HMCES: variants seen among roughly 807,000 people sequenced by gnomAD.
HMCES encodes the protein abasic site processing protein HMCES.
A neutral mutation model predicts 35.1 loss-of-function variants in HMCES; 27 were observed. The observed-to-expected ratio is 0.77, with a 90% CI of 0.57 to 1.06. The LOEUF is 1.06. Among genes scored for constraint, HMCES ranks in the 50% least tolerant of loss-of-function variants. The pLI, the probability that HMCES is intolerant of heterozygous loss-of-function variation, is 0.00. For missense variants in HMCES, 391 were observed against 430.4 expected, an observed-to-expected ratio of 0.91 and a Z score of 0.81; for synonymous variants, 130 against 154.7, an observed-to-expected ratio of 0.84 and a Z score of 1.18.
At chr3:129,282,930 A>G (rs1940538043) in intron 2 of HMCES, among the ~76,000 whole-genome samples, 1 of 152,200 alleles carries the variant, frequency 6.6e-6, no homozygotes, top group South Asian at 2.1e-4. Flanking sequence ...GATTTGGTTT[A>G]CAGTTGTCAA....
chr3:129,303,699 AT>A (rs1411359351), intron 6 of HMCES, among the ~76,000 whole-genome samples: 1 of 150,484 alleles, frequency 6.6e-6, no homozygotes, highest in African/African-American at 2.4e-5. Context: ...ACCTGTATTC[AT>A]TTTGGACTAG....
intron 2 of HMCES, among the ~76,000 whole-genome samples, chr3:129,283,501 G>A (rs945124404): frequency 1.3e-5 from 2 of 151,696 alleles, no homozygotes; most frequent in Non-Finnish European, 2.9e-5. Context: ...TTTTGAGGGG[G>A]AAGTTCTCAC....
At chr3:129,297,523 G>T (rs2071108594) in intron 4 of HMCES, among the ~76,000 whole-genome samples, 1 of 152,062 alleles carries the variant, frequency 6.6e-6, no homozygotes, top group Non-Finnish European at 1.5e-5. Context: ...CCAGGCTCCT[G>T]CCCTGTGCCG....
At chr3:129,280,626 G>C (rs1315706334) in intron 2 of HMCES, among the ~76,000 whole-genome samples, 1 of 152,196 alleles carries the variant, frequency 6.6e-6, no homozygotes, top group African/African-American at 2.4e-5. Context: ...GATGTTTCTT[G>C]AGCATTGAAA....
intron 6 of HMCES, 57 bp downstream of exon 6, chr3:129,302,199 C>T (rs2071178284): frequency 2.1e-6 from 3 of 1,441,046 alleles, no homozygotes; most frequent in East Asian, 4.6e-5. Context: ...TGTCAGTGTT[C>T]TCTTTCTTTC....
chr3:129,281,413 G>C (rs1940477843), intron 2 of HMCES, among the ~76,000 whole-genome samples: 2 of 152,094 alleles, frequency 1.3e-5, no homozygotes, highest in South Asian at 4.1e-4. Flanking sequence ...ATAACAGGCT[G>C]GGCATGGTGG....
rs2071165603 is a variant in HMCES, at chr3:129,301,229, T to C, written c.636-721T>C. ...AAAGAAGAAAAAAAAAAAAATATGC[T>C]TTCATGTGATGTAGTTCTCTTTTAG... On this transcript the variant is annotated intron_variant, in intron 5 of 6. Transcript: ENST00000383463. Among the ~76,000 whole-genome samples, 21 of 146,646 alleles carry C rather than the reference T, an allele frequency of 1.4e-4. No homozygotes were observed. In the South Asian group the frequency reaches 4.3e-3, roughly 30 times the overall value.
At chr3:129,285,513 A>G (rs997822016) in intron 2 of HMCES, among the ~76,000 whole-genome samples, 19 of 151,760 alleles carry the variant, frequency 1.3e-4, no homozygotes, top group African/African-American at 4.6e-4. Context: ...GTGCAGTGGC[A>G]CAAACTCGGC....
intron 6 of HMCES, 111 bp downstream of exon 6, chr3:129,302,253 A>G (rs2071178709): frequency 2.2e-6 from 2 of 927,676 alleles, no homozygotes; most frequent in African/African-American, 1.7e-5. Context: ...TGGACCATCA[A>G]AAGCTCTCAT....
At chr3:129,297,114 G>C (rs116275238) in intron 4 of HMCES, among the ~76,000 whole-genome samples, 2,669 of 152,280 alleles carry the variant, frequency 0.018, 75 homozygotes, top group African/African-American at 0.061. Context: ...TGACTTTCCA[G>C]AGGGTTTCTC....
chr3:129,295,395 C>G (rs1282518381), intron 4 of HMCES, among the ~76,000 whole-genome samples: 3 of 151,232 alleles, frequency 2.0e-5, no homozygotes, highest in Non-Finnish European at 4.4e-5. Context: ...CGAGATCACA[C>G]CACTACACTC....
rs776397415 is a variant in HMCES, at chr3:129,283,620, C to T, written c.183+3705C>T. The stretch of plus-strand genomic sequence containing the variant: ...CTGAGGCAGGTGGATCGCTTGCAGT[C>T]GGGAGTTGTAGACCAGCCTGACCAA... On this transcript the variant is annotated intron_variant, in intron 2 of 6. Transcript: ENST00000383463. Among the ~76,000 whole-genome samples, 142 of 152,038 alleles carry T rather than the reference C, an allele frequency of 9.3e-4. No individual in the cohort carries two copies. The Middle Eastern group carries it at 0.01, about 11-fold the overall frequency.
At chr3:129,290,056 G>A (rs887314261) in intron 3 of HMCES, among the ~76,000 whole-genome samples, 5 of 151,614 alleles carry the variant, frequency 3.3e-5, no homozygotes, top group Non-Finnish European at 4.4e-5. Flanking sequence ...GCGTGGTGGC[G>A]GACGCCTGTA....
intron 4 of HMCES, among the ~76,000 whole-genome samples, chr3:129,294,837 T>C (rs148965304): frequency 3.2e-4 from 49 of 152,242 alleles, no homozygotes; most frequent in African/African-American, 1.2e-3. Flanking sequence ...TTTTTTTGTC[T>C]GAAAAAGTAT....
At chr3:129,296,896 G>T (rs1025419979) in intron 4 of HMCES, among the ~76,000 whole-genome samples, 1 of 152,058 alleles carries the variant, frequency 6.6e-6, no homozygotes, top group Non-Finnish European at 1.5e-5. Flanking sequence ...CCGTCACCAG[G>T]CCCAGCTAAT....
At chr3:129,287,279 G>C (rs7621946) in intron 2 of HMCES, among the ~76,000 whole-genome samples, 8,189 of 151,868 alleles carry the variant, frequency 0.054, 710 homozygotes, top group African/African-American at 0.18. Context: ...TTGGAGTGCA[G>C]TGGCTCAGTC....
intron 6 of HMCES, among the ~76,000 whole-genome samples, chr3:129,303,495 A>G (rs1289016830): frequency 2.0e-5 from 3 of 152,210 alleles, no homozygotes; most frequent in Non-Finnish European, 4.4e-5. Flanking sequence ...CCTATCCAAA[A>G]TGCTTGGGAA....
At chr3:129,281,152 G>A (rs985148331) in intron 2 of HMCES, among the ~76,000 whole-genome samples, 4 of 151,868 alleles carry the variant, frequency 2.6e-5, no homozygotes, top group Admixed American at 1.3e-4. Flanking sequence ...AACCTGGGAG[G>A]TGGAGGTTGC....
intron 4 of HMCES, among the ~76,000 whole-genome samples, chr3:129,293,012 G>C (rs866572849): frequency 2.0e-5 from 3 of 152,198 alleles, no homozygotes; most frequent in South Asian, 2.1e-4. Flanking sequence ...TTCAGGGGGA[G>C]TTAGTGTGAA....
Sources: allele counts gnomAD v4.1 joint callset (sites outside exome capture counted in the v4.1 genomes callset), GRCh38; gene constraint gnomAD v4.1.1; transcripts MANE v1.5; gene names NCBI Gene and HGNC (gene_info 2026-07-23, HGNC 2026-07-21).